The following RGS6 variants were observed in gnomAD, a reference collection of about 807,000 sequenced individuals.
RGS6 encodes the protein regulator of G-protein signaling 6.
Under a neutral mutation model 78.5 loss-of-function variants are expected in RGS6, and 30 were observed. The observed-to-expected ratio is 0.38, with a 90% CI of 0.29 to 0.52. The LOEUF is 0.52. Among genes scored for constraint, RGS6 ranks in the 20% least tolerant of loss-of-function variants. The pLI is 0.85. For synonymous variants in RGS6, 206 were observed against 206.0 expected (o/e 1.00, Z 0.00); for missense variants, 495 against 609.7 (o/e 0.81, Z 1.98).
At chr14:72,526,417 T>C (rs1365358697) in intron 15 of RGS6, among the ~76,000 whole-genome samples, 2 of 152,206 alleles carry the variant, frequency 1.3e-5, no homozygotes, top group African/African-American at 2.4e-5. Flanking sequence ...GAAAACACTT[T>C]TCTAAGTTAA....
chr14:72,241,286 A>T (rs936665435), intron 2 of RGS6, among the ~76,000 whole-genome samples: 3 of 152,196 alleles, frequency 2.0e-5, no homozygotes, highest in Admixed American at 2.0e-4. Flanking sequence ...ATAGATGCAA[A>T]CAAGTCCATG....
chr14:72,554,225 G>T (rs1277866101), intron 17 of RGS6, among the ~76,000 whole-genome samples: 3 of 152,246 alleles, frequency 2.0e-5, no homozygotes, highest in Non-Finnish European at 4.4e-5. Flanking sequence ...CTTTTCAGCT[G>T]GCTAAACCAA....
At chr14:71,980,898 C>G (rs1309722951) in intron 2 of RGS6, among the ~76,000 whole-genome samples, 18 of 96,906 alleles carry the variant, frequency 1.9e-4, no homozygotes, top group African/African-American at 5.6e-4. Context: ...TTCAGGTACA[C>G]CAATCAGACG....
At chr14:72,593,454 C>T in the RGS6 span, among the ~76,000 whole-genome samples, 2,227 of 152,214 alleles carry the variant, frequency 0.015, 58 homozygotes, top group Admixed American at 0.061. Context: ...AGTGCGATCT[C>T]GGCTCACTGC....
chr14:72,424,599 T>C (rs1330441318), intron 3 of RGS6, among the ~76,000 whole-genome samples: 1 of 152,220 alleles, frequency 6.6e-6, no homozygotes. Context: ...CTGTATTAAC[T>C]TCCTAATGAA....
At chr14:72,134,657 A>T (rs2096400690) in intron 2 of RGS6, among the ~76,000 whole-genome samples, 2 of 152,178 alleles carry the variant, frequency 1.3e-5, no homozygotes, top group Non-Finnish European at 2.9e-5. Context: ...TGATGATGAA[A>T]GCTGAGAAAC....
At chr14:72,416,965 C>CAT (rs2093857518) in intron 3 of RGS6, among the ~76,000 whole-genome samples, 4 of 152,164 alleles carry the variant, frequency 2.6e-5, no homozygotes, top group Non-Finnish European at 5.9e-5. Context: ...CAGGGCCTGG[C>CAT]ACAGGGTATG....
chr14:71,885,888 C>T, the RGS6 span, among the ~76,000 whole-genome samples: 559 of 147,874 alleles, frequency 3.8e-3, 5 homozygotes, highest in African/African-American at 0.014. Flanking sequence ...TCTTTCTTTC[C>T]TTCCTTCCTT....
At chr14:72,382,774 C>G (rs2086537930) in intron 3 of RGS6, among the ~76,000 whole-genome samples, 1 of 152,162 alleles carries the variant, frequency 6.6e-6, no homozygotes, top group African/African-American at 2.4e-5. Context: ...TAGGCTTTAA[C>G]AAGGATACAA....
At chr14:72,063,661 A>G (rs2093998551) in intron 2 of RGS6, among the ~76,000 whole-genome samples, 1 of 152,194 alleles carries the variant, frequency 6.6e-6, no homozygotes, top group African/African-American at 2.4e-5. Context: ...AGAAATTGAC[A>G]GAAGCATCTC....
chr14:72,575,094 G>T, the RGS6 span, among the ~76,000 whole-genome samples: 1 of 152,128 alleles, frequency 6.6e-6, no homozygotes, highest in African/African-American at 2.4e-5. Context: ...AGAGGGTGAG[G>T]ATACAGCTGG....
At chr14:72,515,185 T>C (rs1436081053) in intron 14 of RGS6, among the ~76,000 whole-genome samples, 1 of 152,092 alleles carries the variant, frequency 6.6e-6, no homozygotes, top group Non-Finnish European at 1.5e-5. Context: ...AGAAAACTGC[T>C]GTCTAGGGAA....
At chr14:72,471,736 G>A (rs1478358401) in intron 8 of RGS6, among the ~76,000 whole-genome samples, 1 of 152,218 alleles carries the variant, frequency 6.6e-6, no homozygotes, top group East Asian at 1.9e-4. Context: ...AGCCCCCCGG[G>A]GATAGGCGGG....
intron 2 of RGS6, among the ~76,000 whole-genome samples, chr14:72,142,161 A>G (rs986775260): frequency 3.9e-5 from 6 of 152,216 alleles, no homozygotes; most frequent in African/African-American, 1.4e-4. Context: ...ACTAAAGTAT[A>G]TGTTCCTCTC....
intron 2 of RGS6, among the ~76,000 whole-genome samples, chr14:72,176,826 C>T (rs1345444112): frequency 6.6e-6 from 1 of 152,218 alleles, no homozygotes. Flanking sequence ...CACACACACG[C>T]TCGCCCATGT....
chr14:72,338,557 A>G (rs1270597048), intron 2 of RGS6, among the ~76,000 whole-genome samples: 1 of 152,268 alleles, frequency 6.6e-6, no homozygotes, highest in African/African-American at 2.4e-5. Context: ...ACCATATCAG[A>G]AGCACAGAAT....
chr14:71,943,906 G>T (rs932148502), intron 1 of RGS6, among the ~76,000 whole-genome samples: 3 of 152,156 alleles, frequency 2.0e-5, no homozygotes, highest in African/African-American at 7.2e-5. Flanking sequence ...GGGGTGCATG[G>T]ATTGGTATGA....
intron 2 of RGS6, among the ~76,000 whole-genome samples, chr14:72,323,500 C>G (rs543693931): frequency 1.9e-4 from 28 of 150,356 alleles, no homozygotes; most frequent in Non-Finnish European, 4.1e-4. Flanking sequence ...ATAAGGAAGC[C>G]CAACCCAAAA....
intron 3 of RGS6, among the ~76,000 whole-genome samples, chr14:72,442,827 G>T (rs542145036): frequency 6.6e-6 from 1 of 152,310 alleles, no homozygotes; most frequent in South Asian, 2.1e-4. Flanking sequence ...GAAAGCAAAG[G>T]GCTTAGCTGT....
Sources: gnomAD v4.1 joint callset for allele counts (sites outside exome capture counted in the v4.1 genomes callset) on GRCh38, gnomAD v4.1.1 for gene constraint, MANE v1.5 for transcripts, NCBI Gene and HGNC (gene_info 2026-07-23, HGNC 2026-07-21) for gene names.